The following GRM8 variants were observed in gnomAD, a reference collection of about 807,000 sequenced individuals.
GRM8 encodes the protein metabotropic glutamate receptor 8.
GRM8 carries 47 observed loss-of-function variants against 87.2 expected under a neutral mutation model. That is an observed-to-expected ratio of 0.54 (90% CI 0.43 to 0.69). GRM8 has a LOEUF of 0.69. Ranked by LOEUF, GRM8 falls within the 30% of genes least tolerant of loss-of-function variation. The pLI is 0.00. For missense variants in GRM8, 1,019 were observed against 1,139.2 expected (o/e 0.89, Z 1.52); for synonymous variants, 396 against 404.5 (o/e 0.98, Z 0.25).
intron 6 of GRM8, among the ~76,000 whole-genome samples, chr7:126,814,900 A>C (rs915759940): frequency 1.3e-5 from 2 of 152,064 alleles, no homozygotes; most frequent in African/African-American, 4.8e-5. Flanking sequence ...ATAATCAGTG[A>C]CATTTCCACT....
At chr7:126,991,476 T>A (rs1331027763) in intron 3 of GRM8, among the ~76,000 whole-genome samples, 1 of 152,204 alleles carries the variant, frequency 6.6e-6, no homozygotes, top group Non-Finnish European at 1.5e-5. Context: ...TTACACAAAT[T>A]AATTACTTAA....
At chr7:126,789,965 T>C (rs1204967643) in intron 6 of GRM8, among the ~76,000 whole-genome samples, 1 of 152,176 alleles carries the variant, frequency 6.6e-6, no homozygotes, top group Non-Finnish European at 1.5e-5. Context: ...ACTATTTTAT[T>C]TGCTTAATTC....
intron 3 of GRM8, among the ~76,000 whole-genome samples, chr7:127,062,930 CCTAT>C (rs981982133): frequency 1.3e-5 from 2 of 152,184 alleles, no homozygotes; most frequent in East Asian, 1.9e-4. Flanking sequence ...TAGCTAGTGG[CCTAT>C]CTATTTTATT....
chr7:127,014,085 C>G (rs544288993), intron 3 of GRM8, among the ~76,000 whole-genome samples: 1 of 152,190 alleles, frequency 6.6e-6, no homozygotes, highest in Admixed American at 6.5e-5. Flanking sequence ...GATAATCAGA[C>G]AAGGCACCAT....
At chr7:126,633,752 T>C (rs1039145157) in intron 7 of GRM8, among the ~76,000 whole-genome samples, 4 of 144,400 alleles carry the variant, frequency 2.8e-5, no homozygotes, top group Admixed American at 7.0e-5. Context: ...TTGGTACATA[T>C]AGAATGTTCA....
intron 8 of GRM8, among the ~76,000 whole-genome samples, chr7:126,587,312 C>T (rs530007105): frequency 2.6e-5 from 4 of 152,176 alleles, no homozygotes; most frequent in African/African-American, 9.7e-5. Context: ...TTTGACCCAG[C>T]CATCCCATTA....
At chr7:127,246,842 A>G (rs982219473) in intron 1 of GRM8, among the ~76,000 whole-genome samples, 7 of 152,190 alleles carry the variant, frequency 4.6e-5, no homozygotes, top group Non-Finnish European at 8.8e-5. Flanking sequence ...AAATTTTCAT[A>G]CACCAGGCAT....
chr7:126,759,033 G>A (rs531131186), intron 7 of GRM8, among the ~76,000 whole-genome samples: 21 of 152,114 alleles, frequency 1.4e-4, no homozygotes, highest in African/African-American at 4.8e-4. Flanking sequence ...TAGCAGCTGG[G>A]ATTACAGGTG....
At chr7:126,647,169 T>C (rs1024887226) in intron 7 of GRM8, among the ~76,000 whole-genome samples, 23 of 152,218 alleles carry the variant, frequency 1.5e-4, no homozygotes, top group African/African-American at 5.1e-4. Flanking sequence ...GGTGGGAAGA[T>C]TGCTTGAGCC....
intron 3 of GRM8, among the ~76,000 whole-genome samples, chr7:127,049,799 C>T (rs891791062): frequency 4.6e-5 from 7 of 152,012 alleles, no homozygotes; most frequent in East Asian, 3.9e-4. Context: ...ACTTGAAGGA[C>T]GGGTACAGGT....
intron 7 of GRM8, among the ~76,000 whole-genome samples, chr7:126,651,539 T>C (rs184901161): frequency 3.1e-3 from 466 of 152,246 alleles, no homozygotes; most frequent in Non-Finnish European, 5.2e-3. Context: ...AGCAAAATTT[T>C]TGCTTCCTGG....
At chr7:127,189,286 C>T (rs1587234701) in intron 2 of GRM8, among the ~76,000 whole-genome samples, 1 of 152,130 alleles carries the variant, frequency 6.6e-6, no homozygotes, top group Admixed American at 6.5e-5. Flanking sequence ...TTCTCAAGTG[C>T]CTTATTGTGA....
chr7:126,526,598 G>C (rs1478338150), intron 9 of GRM8, among the ~76,000 whole-genome samples: 1 of 152,198 alleles, frequency 6.6e-6, no homozygotes, highest in Non-Finnish European at 1.5e-5. Context: ...ACCCCCAAAA[G>C]TAGGATGTGT....
chr7:126,897,111 T>C lies in GRM8; in HGVS notation c.1156+5431A>G, dbSNP rs1278607604. Among the ~76,000 whole-genome samples, 5 of 152,160 alleles carry C rather than the reference T, an allele frequency of 3.3e-5. No individual in the cohort carries two copies. In the South Asian group the frequency reaches 8.3e-4, roughly 25 times the overall value. ...TGTATTTACTGGATCAGTCAAGGGATGTCGTTTTGATAAGCACAGAGCTAT... is the reference window on the plus strand; with the variant it reads ...TGTATTTACTGGATCAGTCAAGGGACGTCGTTTTGATAAGCACAGAGCTAT... On this transcript the variant is annotated intron_variant, in intron 6 of 10. Transcript: ENST00000339582.
chr7:126,544,314 G>A (rs1816879659), intron 8 of GRM8, among the ~76,000 whole-genome samples: 1 of 152,064 alleles, frequency 6.6e-6, no homozygotes, highest in South Asian at 2.1e-4. Context: ...TCTATTTAGT[G>A]TTTTGAGTAG....
chr7:126,523,584 A>G (rs1161607766), intron 9 of GRM8, among the ~76,000 whole-genome samples: 1 of 150,702 alleles, frequency 6.6e-6, no homozygotes, highest in Non-Finnish European at 1.5e-5. Flanking sequence ...TGCAGCCTCC[A>G]TCTCCCAGGT....
At chr7:126,905,281 T>C (rs923921456) in intron 3 of GRM8, among the ~76,000 whole-genome samples, 3 of 151,938 alleles carry the variant, frequency 2.0e-5, no homozygotes, top group Non-Finnish European at 4.4e-5. Context: ...ACTATGAAAA[T>C]CGAAATGGCA....
At chr7:127,029,189 C>T (rs564712988) in intron 3 of GRM8, among the ~76,000 whole-genome samples, 8 of 152,150 alleles carry the variant, frequency 5.3e-5, no homozygotes, top group African/African-American at 9.6e-5. Context: ...GATTGAACTG[C>T]GGTCGGACAG....
chr7:127,115,482 G>T (rs1826646455), intron 2 of GRM8, among the ~76,000 whole-genome samples: 1 of 152,044 alleles, frequency 6.6e-6, no homozygotes, highest in African/African-American at 2.4e-5. Flanking sequence ...ATTTCTTATG[G>T]AAAATAAAAT....
Sources: allele counts gnomAD v4.1 joint callset (sites outside exome capture counted in the v4.1 genomes callset), GRCh38; gene constraint gnomAD v4.1.1; transcripts MANE v1.5; gene names NCBI Gene and HGNC (gene_info 2026-07-23, HGNC 2026-07-21).